Variants in ETV6 observed in about 807,000 individuals in gnomAD.
The protein encoded by ETV6 is transcription factor ETV6.
A neutral mutation model predicts 51.1 loss-of-function variants in ETV6; 16 were observed. The observed-to-expected ratio is 0.31, with a 90% CI of 0.21 to 0.48. The LOEUF (loss-of-function observed/expected upper bound fraction) is 0.48. Among genes scored for constraint, ETV6 ranks in the 20% least tolerant of loss-of-function variants. The pLI, the probability that ETV6 is intolerant of heterozygous loss-of-function variation, is 0.99. For synonymous variants in ETV6, 240 were observed against 224.1 expected (o/e 1.07, Z -0.64); for missense variants, 458 against 594.8 (o/e 0.77, Z 2.39).
chr12:11,777,868 A>G (rs992756634), intron 2 of ETV6, among the ~76,000 whole-genome samples: 3 of 152,000 alleles, frequency 2.0e-5, no homozygotes, highest in Admixed American at 6.6e-5. Flanking sequence ...AGCACCTCCA[A>G]TGGGCTTCCA....
intron 2 of ETV6, among the ~76,000 whole-genome samples, chr12:11,793,088 A>C (rs1032880314): frequency 6.6e-6 from 1 of 152,180 alleles, no homozygotes; most frequent in Non-Finnish European, 1.5e-5. Flanking sequence ...AAAAAAAAAA[A>C]ACCTTAACAT....
At chr12:11,679,778 C>CTTAACT (rs747611244) in intron 1 of ETV6, among the ~76,000 whole-genome samples, 3 of 151,930 alleles carry the variant, frequency 2.0e-5, no homozygotes, top group Non-Finnish European at 2.9e-5. Context: ...GAAACAGCTT[C>CTTAACT]TTAACTTTCA....
At chr12:11,880,466 G>T (rs149174175) in intron 5 of ETV6, among the ~76,000 whole-genome samples, 1 of 152,028 alleles carries the variant, frequency 6.6e-6, no homozygotes, top group Non-Finnish European at 1.5e-5. Flanking sequence ...TGATGCCTCC[G>T]AAAAACCAAC....
chr12:11,761,705 T>C (rs1270633697), intron 2 of ETV6, among the ~76,000 whole-genome samples: 1 of 152,198 alleles, frequency 6.6e-6, no homozygotes, highest in Non-Finnish European at 1.5e-5. Flanking sequence ...GTCAGTTCCT[T>C]GAGCTCTGGT....
chr12:11,892,024 G>T lies in ETV6; in HGVS notation c.*978G>T. The T allele has an allele frequency of 5.3e-6, 1 of 188,060 alleles. No individual in the cohort carries two copies. Among genetic ancestry groups the T allele is most frequent in the Middle Eastern group, 1.7e-3 (1 of 602 alleles). The allele number at this position is 188,060 out of a possible 1,614,324, so 11.6% of individuals were successfully genotyped here. On this transcript the variant is annotated 3_prime_UTR_variant, in exon 8 of 8. Coordinates refer to ENST00000396373, the MANE Select transcript of ETV6 (RefSeq NM_001987.5). The stretch of plus-strand genomic sequence containing the variant: ...TCGGCAGCTTGGGATTAGCTTGGGA[G>T]CGCAGCGCTGCAAAGTGGAAAATAT...
chr12:11,840,828 A>G, intron 3 of ETV6: 1 of 237,410 alleles, frequency 4.2e-6, no homozygotes, highest in Non-Finnish European at 8.5e-6. Flanking sequence ...ACAATAAGAA[A>G]ACTATAAAAC....
At chr12:11,889,908 G>C (rs1026084670) in intron 7 of ETV6, among the ~76,000 whole-genome samples, 1 of 152,150 alleles carries the variant, frequency 6.6e-6, no homozygotes, top group Non-Finnish European at 1.5e-5. Flanking sequence ...AAGGGGACTG[G>C]AACGGGTGCT....
chr12:11,881,465 TCTGGGGG>T (rs1278689860), intron 5 of ETV6, among the ~76,000 whole-genome samples: 3 of 152,214 alleles, frequency 2.0e-5, no homozygotes, highest in Non-Finnish European at 4.4e-5. Flanking sequence ...GCTCCACAGT[TCTGGGGG>T]CTGGGGAGAT....
At position 11,752,470 on chromosome 12, in the gene ETV6, A is replaced by C. The variant is rs1866050923; in HGVS notation, c.54A>C (p.Thr18=). Residue 18 remains threonine (T), a synonymous_variant, in exon 2 of 8, where the codon ACA becomes ACC. Coordinates refer to ENST00000396373, the MANE Select transcript of ETV6 (RefSeq NM_001987.5). ...AACAGCAGGAACGAATTTCATATACACCTCCAGAGAGCCCAGTGCCGAGTT... is the reference window on the plus strand; with the variant it reads ...AACAGCAGGAACGAATTTCATATACCCCTCCAGAGAGCCCAGTGCCGAGTT... ...CSIKQERISY[T]PPESPVPSYA... is the part of the protein sequence containing the mutation. 1.2e-6 allele frequency: 2 copies of C among 1,610,522 alleles called. No homozygotes were observed. The highest frequency in any genetic ancestry group is 1.7e-6 in the Non-Finnish European group (2 of 1,178,106).
intron 2 of ETV6, among the ~76,000 whole-genome samples, chr12:11,816,463 G>A (rs1413937969): frequency 1.3e-5 from 2 of 152,104 alleles, no homozygotes; most frequent in Non-Finnish European, 2.9e-5. Context: ...AGCCAGGATG[G>A]TCTCGATCTC....
chr12:11,879,777 C>T (rs937202590), intron 5 of ETV6, among the ~76,000 whole-genome samples: 7 of 152,072 alleles, frequency 4.6e-5, no homozygotes, highest in African/African-American at 1.7e-4. Context: ...TATACATATA[C>T]GTTCAGGTGT....
chr12:11,687,298 A>T (rs1431534984), intron 1 of ETV6, among the ~76,000 whole-genome samples: 3 of 133,060 alleles, frequency 2.3e-5, no homozygotes, highest in Non-Finnish European at 4.6e-5. Context: ...CTCCTGCTTC[A>T]GCCTCCCAAG....
intron 2 of ETV6, among the ~76,000 whole-genome samples, chr12:11,810,068 T>C (rs147151890): frequency 1.5e-4 from 23 of 152,022 alleles, no homozygotes; most frequent in African/African-American, 5.5e-4. Context: ...ATCCGCCCAC[T>C]TCAACCTCCC....
intron 1 of ETV6, among the ~76,000 whole-genome samples, chr12:11,745,518 C>T (rs560110854): frequency 7.2e-5 from 11 of 152,218 alleles, no homozygotes; most frequent in East Asian, 1.9e-4. Flanking sequence ...CTTTTTTCCC[C>T]CACAGGCCAC....
Position 11,650,095 on chromosome 12 carries a change from C to G in ETV6, c.-33C>G. ...GAGAGGAAAGGAAAGTGGAAAAAAC[C>G]TGAGAACTTCCTGATCTCTCTCGCT... On this transcript the variant is annotated 5_prime_UTR_variant, in exon 1 of 8. Transcript: ENST00000396373. 1 of 1,611,086 alleles carries G rather than the reference C, an allele frequency of 6.2e-7. No homozygotes were observed. The highest frequency in any genetic ancestry group is 1.7e-5 in the Admixed American group (1 of 60,006).
At chr12:11,824,821 A>G (rs1565540296) in intron 2 of ETV6, among the ~76,000 whole-genome samples, 3 of 152,222 alleles carry the variant, frequency 2.0e-5, no homozygotes. Context: ...CTTAGATGCA[A>G]GGTCTCCCAA....
intron 1 of ETV6, among the ~76,000 whole-genome samples, chr12:11,674,613 ATTTG>A (rs1565481839): frequency 1.3e-5 from 1 of 78,884 alleles, no homozygotes; most frequent in East Asian, 3.5e-4. Flanking sequence ...TGTAGGGGTT[ATTTG>A]TGTGTGTGTG....
At chr12:11,816,326 CCT>C (rs1945993428) in intron 2 of ETV6, among the ~76,000 whole-genome samples, 1 of 152,236 alleles carries the variant, frequency 6.6e-6, no homozygotes, top group African/African-American at 2.4e-5. Context: ...CTCACTGCAA[CCT>C]CTGTCTCCCA....
intron 1 of ETV6, among the ~76,000 whole-genome samples, chr12:11,694,083 G>A (rs1261485435): frequency 2.6e-5 from 4 of 152,186 alleles, no homozygotes; most frequent in Admixed American, 1.3e-4. Context: ...GTATCATGCC[G>A]TGGCATAACA....
Sources: allele counts gnomAD v4.1 joint callset (sites outside exome capture counted in the v4.1 genomes callset), GRCh38; gene constraint gnomAD v4.1.1; transcripts MANE v1.5; gene names NCBI Gene and HGNC (gene_info 2026-07-23, HGNC 2026-07-21).